Variants in MFGE8 observed in about 807,000 individuals in gnomAD.
MFGE8 encodes milk fat globule EGF and factor V/VIII domain containing, also known as lactadherin.
MFGE8 carries 34 observed loss-of-function variants against 42.6 expected under a neutral mutation model. That is an observed-to-expected ratio of 0.80 (90% CI 0.61 to 1.06). The LOEUF (loss-of-function observed/expected upper bound fraction) is 1.06. MFGE8 is among the 50% of genes least tolerant of loss of function. MFGE8 has a pLI of 0.00. For synonymous variants in MFGE8, 230 were observed against 214.8 expected (o/e 1.07, Z -0.62); for missense variants, 510 against 516.9 (o/e 0.99, Z 0.13).
Position 88,906,919 on chromosome 15 carries a change from C to T in MFGE8, c.388-141G>A, listed in dbSNP as rs993288634. The T allele has an allele frequency of 3.2e-5, 36 of 1,112,916 alleles. No homozygotes were observed. In the Admixed American group the frequency reaches 7.2e-4, roughly 22 times the overall value. 68.9% of individuals were successfully genotyped at this position (1,112,916 alleles called of 1,614,324 possible). ...AGAGGAGGGGTAGCTGAGCACACTG[C>T]CCGCACAAAGGGCTTTCTTCTTCTG... On this transcript the variant is annotated intron_variant, in intron 3 of 7. Transcript: ENST00000268150. The surrounding 1 kb of genome is among the most constrained non-coding windows in gnomAD (Gnocchi z 4.2).
rs202048364 is a variant in MFGE8, at chr15:88,909,951, A to C, written c.74-28T>G. ...GGGGACAGAGACAGGTAAGATGAGC[A>C]GATGATCAGGAAGGAGCTGGGGACA... On this transcript the variant is annotated intron_variant, in intron 1 of 7. Transcript: ENST00000268150. 50 of 1,613,588 alleles carry C rather than the reference A, an allele frequency of 3.1e-5. No homozygotes were observed. In the African/African-American group the frequency reaches 5.5e-4, roughly 18 times the overall value.
In MFGE8 at chr15:88,906,665, G is replaced by C. The variant is rs1042915; in HGVS notation, c.501C>G (p.His167Gln). 1 of 1,613,968 alleles carries C rather than the reference G, an allele frequency of 6.2e-7. No homozygotes were observed. The highest frequency in any genetic ancestry group is 1.1e-5 in the South Asian group (1 of 91,066). ...TAACATCATGGATGAAATCGAATTC[G>C]TGTCCATTAAGGCTGTAGGCCACCT... The part of the protein sequence containing the change: ...AFKVAYSLNG[H>Q]EFDFIHDVNK... Residue 167 changes from histidine to glutamine, a missense_variant, in exon 4 of 8, where the codon CAC becomes CAG. Coordinates refer to ENST00000268150, the MANE Select transcript of MFGE8 (RefSeq NM_005928.4). This position sits in a 1 kb window ranked among gnomAD's most constrained non-coding sequence, Gnocchi z 4.2.
chr15:88,908,839 AC>A (rs1265753503), intron 2 of MFGE8, among the ~76,000 whole-genome samples: 1 of 152,064 alleles, frequency 6.6e-6, no homozygotes, highest in Non-Finnish European at 1.5e-5. Context: ...AAGGCATCCT[AC>A]TCACTTGACC....
intron 1 of MFGE8, chr15:88,912,657 T>C (rs1274528746): frequency 5.1e-6 from 5 of 985,088 alleles, no homozygotes; most frequent in Non-Finnish European, 6.0e-6. Context: ...GAGACTCCCA[T>C]CAGCAGGCAG....
chr15:88,901,404 A>G, intron 6 of MFGE8, 147 bp downstream of exon 6: 1 of 759,244 alleles, frequency 1.3e-6, no homozygotes, highest in African/African-American at 1.8e-5. Context: ...GGTGGGAAGA[A>G]GAAAGAAAAG....
At chr15:88,909,363 G>A (rs1277559818) in intron 2 of MFGE8, among the ~76,000 whole-genome samples, 2 of 152,220 alleles carry the variant, frequency 1.3e-5, no homozygotes, top group African/African-American at 2.4e-5. Flanking sequence ...CTGAAACCAA[G>A]GCTGATTTAC....
At position 88,905,813 on chromosome 15, in the gene MFGE8, G is replaced by C. The variant is rs140402364; in HGVS notation, c.629C>G (p.Thr210Arg). The change falls in exon 5 of 8, where the codon ACG (threonine) becomes AGG (arginine). Residue 210 changes from threonine to arginine, a missense_variant. Thr to Arg is a moderately conservative substitution (Grantham distance 71, BLOSUM62 -1). Transcript: ENST00000268150. The surrounding 1 kb of genome is among the most constrained non-coding windows in gnomAD (Gnocchi z 6.6). ...VEAQYVRLYPTSCHTACTLRF... is the reference protein window; with the variant it reads ...VEAQYVRLYPRSCHTACTLRF... ...CAGAGTGCAGGCCGTGTGGCAGCTC[G>C]TGGGGTACAATCTCACGTACTGAGC... The C allele has an allele frequency of 6.2e-7, 1 of 1,614,080 alleles. No individual in the cohort carries two copies. Among genetic ancestry groups the C allele is most frequent in the Non-Finnish European group, 8.5e-7 (1 of 1,180,054 alleles).
chr15:88,912,823 G>A, intron 1 of MFGE8: 1 of 985,408 alleles, frequency 1.0e-6, no homozygotes, highest in Non-Finnish European at 1.2e-6. Context: ...AACTGGAGTT[G>A]GCAGGGAGAT....
rs149976603 is a variant in MFGE8 at position 88,901,575 on chromosome 15, G to C, written c.846C>G (p.Ser282Arg). ...QGNFNAWVAGSYGNDQWLQVD... is the reference protein window; with the variant it reads ...QGNFNAWVAGRYGNDQWLQVD... ...CCTGCAGCCACTGATCGTTACCGTA[G>C]CTCCCCGCAACCCAGGCGTTGAAGT... is the stretch of plus-strand genomic sequence containing the variant. The change falls in exon 6 of 8, where the codon AGC becomes AGG. Residue 282 changes from serine to arginine, a missense_variant. Coordinates refer to ENST00000268150, the MANE Select transcript of MFGE8 (RefSeq NM_005928.4). 2.2e-4 allele frequency: 337 copies of C among 1,519,542 alleles called. 1 individual carries two copies. Among genetic ancestry groups the C allele is most frequent in the Non-Finnish European group, 9.2e-5 (103 of 1,119,060 alleles). 94.1% of individuals were successfully genotyped at this position (1,519,542 alleles called of 1,614,324 possible).
intron 1 of MFGE8, among the ~76,000 whole-genome samples, chr15:88,911,541 T>C (rs1016777564): frequency 6.6e-6 from 1 of 151,852 alleles, no homozygotes; most frequent in African/African-American, 2.4e-5. Flanking sequence ...GCTAACACGG[T>C]GAAACCCCGT....
intron 6 of MFGE8, among the ~76,000 whole-genome samples, chr15:88,901,185 ACACACACATT>A (rs1567214670): frequency 5.3e-5 from 3 of 56,888 alleles, no homozygotes; most frequent in Admixed American, 1.9e-4. Flanking sequence ...TCACACATTC[ACACACACATT>A]CACACATTCA....
At chr15:88,912,082 A>T in intron 1 of MFGE8, 1 of 1,281,586 alleles carries the variant, frequency 7.8e-7, no homozygotes, top group Non-Finnish European at 1.0e-6. Context: ...GTCCAGTGGG[A>T]AAAAGGGAAA....
chr15:88,911,999 G>A, intron 1 of MFGE8: 1 of 672,902 alleles, frequency 1.5e-6, no homozygotes, highest in Non-Finnish European at 2.3e-6. Context: ...CACAGACAGA[G>A]GCTTGGGTTG....
chr15:88,909,721 G>A, intron 2 of MFGE8, 71 bp downstream of exon 2: 2 of 1,606,004 alleles, frequency 1.2e-6, no homozygotes, highest in Admixed American at 1.7e-5. Context: ...CCAGCATATG[G>A]CCTATGCCAC....
chr15:88,900,534 C>T (rs573560768), intron 6 of MFGE8, among the ~76,000 whole-genome samples: 141 of 152,310 alleles, frequency 9.3e-4, no homozygotes, highest in Non-Finnish European at 1.7e-3. Context: ...AACCCAGCTC[C>T]GCAGTGTGCT....
chr15:88,913,171 A>AAC, intron 1 of MFGE8, 76 bp downstream of exon 1: 1 of 1,464,650 alleles, frequency 6.8e-7, no homozygotes, highest in East Asian at 2.9e-5. Context: ...GTGGAGGTGG[A>AAC]GGGCGGGCGC....
intron 2 of MFGE8, among the ~76,000 whole-genome samples, chr15:88,909,302 G>C (rs530430788): frequency 2.0e-5 from 3 of 152,202 alleles, no homozygotes; most frequent in South Asian, 4.1e-4. Flanking sequence ...CCTTCTCCCC[G>C]AGCTCTGCGA....
Position 88,907,250 on chromosome 15 carries a change from G to A in MFGE8, c.332C>T (p.Ala111Val), listed in dbSNP as rs1898729971. 6.2e-7 allele frequency: 1 copy of A among 1,614,052 alleles called. No homozygotes were observed. The highest frequency in any genetic ancestry group is 8.5e-7 in the Non-Finnish European group (1 of 1,180,046). The part of the protein sequence containing the change: ...WVPELARLNR[A>V]GMVNAWTPSS... ...GGGTGTCCAGGCATTGACCATGCCT[G>A]CGCGGTTCAGGCGGGCCAGCTCCGG... Residue 111 changes from alanine to valine, a missense_variant, in exon 3 of 8, where the codon GCA becomes GTA. Physicochemically the swap from Ala to Val is moderately conservative, Grantham distance 64. Transcript: ENST00000268150.
chr15:88,911,980 G>A (rs1898982253), intron 1 of MFGE8: 2 of 524,918 alleles, frequency 3.8e-6, no homozygotes, highest in Admixed American at 5.7e-5. Flanking sequence ...AGGCGGGGGC[G>A]AGCATTGACA....
Sources: allele counts gnomAD v4.1 joint callset (sites outside exome capture counted in the v4.1 genomes callset), GRCh38; gene constraint gnomAD v4.1.1; non-coding constraint Gnocchi (gnomAD v3.1); transcripts MANE v1.5; gene names NCBI Gene and HGNC (gene_info 2026-07-23, HGNC 2026-07-21).